The following TFRC variants were observed in gnomAD, a reference collection of about 807,000 sequenced individuals.
The protein encoded by TFRC is transferrin receptor.
TFRC carries 35 observed loss-of-function variants against 85.8 expected under a neutral mutation model. The ratio of observed to expected loss-of-function variants is 0.41; its 90% confidence interval spans 0.31 to 0.54. The LOEUF (loss-of-function observed/expected upper bound fraction) is 0.54, where lower values mean the gene tolerates loss of function less well. Among genes scored for constraint, TFRC ranks in the 20% least tolerant of loss-of-function variants. The pLI is 0.31. For synonymous variants in TFRC, 362 were observed against 328.6 expected (o/e 1.10, Z -1.10); for missense variants, 828 against 921.5 (o/e 0.90, Z 1.31).
chr3:196,058,758 ATTAT>A (rs1480025532), intron 14 of TFRC, 126 bp from the exon 15 acceptor site: 1 of 538,784 alleles, frequency 1.9e-6, no homozygotes, highest in Non-Finnish European at 3.1e-6. Flanking sequence ...TTGAAAAGAA[ATTAT>A]TTATGATAGT....
intron 1 of TFRC, among the ~76,000 whole-genome samples, chr3:196,081,290 T>C (rs931341556): frequency 3.9e-5 from 6 of 152,182 alleles, no homozygotes; most frequent in African/African-American, 1.4e-4. Context: ...AGTCGGATTC[T>C]GCCTTGAGAA....
chr3:196,050,513 T>C lies in TFRC; in HGVS notation c.*1429A>G, dbSNP rs947704703. 9.8e-6 allele frequency: 2 copies of C among 204,230 alleles called. No homozygotes were observed. Among genetic ancestry groups the C allele is most frequent in the Non-Finnish European group, 1.0e-5 (1 of 99,414 alleles). 12.7% of individuals were successfully genotyped at this position (204,230 alleles called of 1,614,324 possible). A position where few individuals can be genotyped will look rare whatever the true frequency, so the allele number is the denominator to read the frequency against. Reference sequence around the variant, plus strand: ...AATTACTTACACCCTTAGTGTAACATATGGAGATCACTGTCTCCGATACAG... The same window carrying C: ...AATTACTTACACCCTTAGTGTAACACATGGAGATCACTGTCTCCGATACAG... On this transcript the variant is annotated 3_prime_UTR_variant, in exon 19 of 19. Coordinates refer to ENST00000360110, the MANE Select transcript of TFRC (RefSeq NM_001128148.3).
At chr3:196,074,453 C>G (rs1435868188) in intron 3 of TFRC, 1 of 195,870 alleles carries the variant, frequency 5.1e-6, no homozygotes, top group African/African-American at 2.3e-5. Flanking sequence ...TGGGAGCAAA[C>G]AAAAAAATAC....
Position 196,052,167 on chromosome 3 carries a change from G to C in TFRC, c.2058C>G (p.Leu686=), listed in dbSNP as rs908570395. Residue 686 remains leucine (L), a synonymous_variant, in exon 19 of 19, where the codon CTC becomes CTG. Coordinates refer to ENST00000360110, the MANE Select transcript of TFRC (RefSeq NM_001128148.3). ...DRVMRVEYHF[L]SPYVSPKESP... is the part of the protein sequence containing the mutation. ...ACTCTTTTGGAGATACGTAGGGAGA[G>C]AGGAAGTGATACTCCACCTACGAAA... The C allele has an allele frequency of 1.2e-6, 2 of 1,613,906 alleles. No individual in the cohort carries two copies. The highest frequency in any genetic ancestry group is 2.2e-5 in the South Asian group (2 of 91,058).
Position 196,072,159 on chromosome 3 carries a change from G to C in TFRC, c.435-7C>G, listed in dbSNP as rs751176861. ...TGAATTTTCATTCAGCAGCCTGGAG[G>C]AGAAAATGCCTTTTAAATGAACTTA... On this transcript the variant is annotated splice_region_variant and splice_polypyrimidine_tract_variant and intron_variant, in intron 4 of 18. Transcript: ENST00000360110. 2 of 1,611,066 alleles carry C rather than the reference G, an allele frequency of 1.2e-6. No individual in the cohort carries two copies. Among genetic ancestry groups the C allele is most frequent in the Non-Finnish European group, 1.7e-6 (2 of 1,179,392 alleles).
At chr3:196,064,546 CT>C in intron 10 of TFRC, 118 bp from the exon 11 acceptor site, 1 of 894,772 alleles carries the variant, frequency 1.1e-6, no homozygotes, top group Non-Finnish European at 1.5e-6. Context: ...ATAAAAGAGC[CT>C]TACTTCAAAT....
At chr3:196,073,044 A>AC (rs1207812624) in intron 4 of TFRC, among the ~76,000 whole-genome samples, 23 of 127,250 alleles carry the variant, frequency 1.8e-4, no homozygotes, top group Admixed American at 4.0e-4. Flanking sequence ...TGCAAAAAAA[A>AC]AAAAAAAAAA....
chr3:196,055,586 T>G, intron 16 of TFRC: 1 of 458,634 alleles, frequency 2.2e-6, no homozygotes, highest in Non-Finnish European at 4.0e-6. Context: ...CCAAATTCCT[T>G]AAGGCTGTAT....
At chr3:196,056,820 T>C (rs1374332018) in intron 16 of TFRC, among the ~76,000 whole-genome samples, 5 of 152,148 alleles carry the variant, frequency 3.3e-5, no homozygotes, top group Non-Finnish European at 7.4e-5. Context: ...AATAATTACA[T>C]GTGTATAACT....
rs41297481 is a variant in TFRC, at chr3:196,060,775, G to T, written c.1469-528C>A. ...ATGGCGCCACTGCACTCCAGCCTGG[G>T]TGACAAAGCGAGACTCCATCTCAAA... On this transcript the variant is annotated intron_variant, in intron 13 of 18. Transcript: ENST00000360110. Among the ~76,000 whole-genome samples, 590 of 122,460 alleles carry T rather than the reference G, an allele frequency of 4.8e-3. 27 individuals carry two copies. In the East Asian group the frequency reaches 0.075, roughly 16 times the overall value. 80.3% of individuals were successfully genotyped at this position (122,460 alleles called of 152,430 possible). A position where few individuals can be genotyped will look rare whatever the true frequency, so the allele number is the denominator to read the frequency against.
At chr3:196,071,703 C>T (rs1718225011) in intron 5 of TFRC, among the ~76,000 whole-genome samples, 1 of 152,226 alleles carries the variant, frequency 6.6e-6, no homozygotes, top group South Asian at 2.1e-4. Flanking sequence ...GCGGGCTGAT[C>T]ACCTGAGGTC....
chr3:196,060,801 A>AAC, intron 13 of TFRC, among the ~76,000 whole-genome samples: 1 of 123,798 alleles, frequency 8.1e-6, no homozygotes, highest in Non-Finnish European at 1.7e-5. Context: ...CCATCTCAAA[A>AAC]AAAAAAAAAA....
intron 7 of TFRC, 139 bp downstream of exon 7, chr3:196,069,316 T>G (rs985095190): frequency 3.3e-6 from 2 of 604,486 alleles, no homozygotes; most frequent in Admixed American, 6.8e-5. Flanking sequence ...GTTGAGCATT[T>G]TAATAAATTA....
chr3:196,051,844 C>T lies in TFRC; in HGVS notation c.*98G>A, dbSNP rs1716333973. On this transcript the variant is annotated 3_prime_UTR_variant, in exon 19 of 19. Coordinates refer to ENST00000360110, the MANE Select transcript of TFRC (RefSeq NM_001128148.3). ...CCAAGATGATGGGATGGAATTTTAACATCAGGTTTTGTAGCCCTACTGAAA... is the reference window on the plus strand; with the variant it reads ...CCAAGATGATGGGATGGAATTTTAATATCAGGTTTTGTAGCCCTACTGAAA... The T allele has an allele frequency of 7.0e-7, 1 of 1,419,922 alleles. No homozygotes were observed. The highest frequency in any genetic ancestry group is 2.3e-5 in the East Asian group (1 of 43,732). The allele number at this position is 1,419,922 out of a possible 1,614,324, so 88.0% of individuals were successfully genotyped here.
rs1477455264 is a variant in TFRC at position 196,051,241 on chromosome 3, G to A, written c.*701C>T. 2 of 218,374 alleles carry A rather than the reference G, an allele frequency of 9.2e-6. No homozygotes were observed. The highest frequency in any genetic ancestry group is 4.5e-5 in the African/African-American group (2 of 44,492). 13.5% of individuals were successfully genotyped at this position (218,374 alleles called of 1,614,324 possible). A position where few individuals can be genotyped will look rare whatever the true frequency, so the allele number is the denominator to read the frequency against. ...CAAAAATAACAAAGAACTAAATGGAGGCTTATGGGGGAAGGGACAGAGGAA... is the reference window on the plus strand; with the variant it reads ...CAAAAATAACAAAGAACTAAATGGAAGCTTATGGGGGAAGGGACAGAGGAA... On this transcript the variant is annotated 3_prime_UTR_variant, in exon 19 of 19. Transcript: ENST00000360110.
At chr3:196,070,313 G>T (rs1327812054) in intron 6 of TFRC, among the ~76,000 whole-genome samples, 14 of 150,116 alleles carry the variant, frequency 9.3e-5, no homozygotes, top group Admixed American at 9.3e-4. Flanking sequence ...TGCTCAGGCT[G>T]GAGTGCAATG....
In TFRC at chr3:196,051,825, T is replaced by G. The variant is rs958811270; in HGVS notation, c.*117A>C. The G allele has an allele frequency of 4.7e-6, 6 of 1,268,956 alleles. No individual in the cohort carries two copies. Among genetic ancestry groups the G allele is most frequent in the African/African-American group, 3.0e-5 (2 of 66,858 alleles). 78.6% of individuals were successfully genotyped at this position (1,268,956 alleles called of 1,614,324 possible). ...CTAAAGACATCTAGTAGTACCAAGA[T>G]GATGGGATGGAATTTTAACATCAGG... On this transcript the variant is annotated 3_prime_UTR_variant, in exon 19 of 19. Transcript: ENST00000360110.
In TFRC at chr3:196,075,137, A is replaced by C. The variant is rs752010966; in HGVS notation, c.238+22T>G. On this transcript the variant is annotated intron_variant, in intron 3 of 18. Transcript: ENST00000360110. ...CAGAGTTGGTTATAGAAAACATTGA[A>C]GTTTGGAATGGTCATTCTCACCAAT... 6.8e-6 allele frequency: 11 copies of C among 1,611,362 alleles called. No individual in the cohort carries two copies. The Admixed American group carries it at 1.5e-4, about 22-fold the overall frequency.
At chr3:196,077,545 A>G (rs1255262705) in intron 1 of TFRC, among the ~76,000 whole-genome samples, 2 of 151,758 alleles carry the variant, frequency 1.3e-5, no homozygotes, top group Admixed American at 1.3e-4. Flanking sequence ...TGAGGTCAGG[A>G]GTTCAAGACC....
Sources: allele counts gnomAD v4.1 joint callset (sites outside exome capture counted in the v4.1 genomes callset), GRCh38; gene constraint gnomAD v4.1.1; transcripts MANE v1.5; gene names NCBI Gene and HGNC (gene_info 2026-07-23, HGNC 2026-07-21).